The following SLC45A4 variants were observed in gnomAD, a reference collection of about 807,000 sequenced individuals.
SLC45A4 encodes the protein solute carrier family 45 member 4, also known as polyamine-transporter SLC45A4.
Under a neutral mutation model 63.7 loss-of-function variants are expected in SLC45A4, and 32 were observed. That is an observed-to-expected ratio of 0.50 (90% CI 0.38 to 0.67). SLC45A4 has a LOEUF of 0.67. Among genes scored for constraint, SLC45A4 ranks in the 30% least tolerant of loss-of-function variants. The pLI, the probability that SLC45A4 is intolerant of heterozygous loss-of-function variation, is 0.00. For synonymous variants in SLC45A4, 535 were observed against 510.0 expected (o/e 1.05, Z -0.66); for missense variants, 1,027 against 1,157.7 (o/e 0.89, Z 1.64).
At position 141,299,986 on chromosome 8, in the gene SLC45A4, C is replaced by T. The variant is rs141427266; in HGVS notation, c.-401+8110G>A. ...TGGTCCCGTTCTTCACTGTTTAAAC[C>T]GCAGGATTCCTAGAACACGACCGTG... On this transcript the variant is annotated intron_variant, in intron 1 of 8. Transcript: ENST00000517878. Among the ~76,000 whole-genome samples the T allele has an allele frequency of 6.4e-4, 97 of 152,228 alleles. 3 individuals are homozygous for T. Among genetic ancestry groups the T allele is most frequent in the Admixed American group, 6.0e-3 (91 of 15,290 alleles).
chr8:141,218,802 C>T lies in SLC45A4; in HGVS notation c.838G>A (p.Val280Ile), dbSNP rs777556052. The change falls in exon 5 of 9, where the codon GTC becomes ATC. Residue 280 changes from valine (V) to isoleucine (I), a missense_variant. By Grantham distance (29) the Val-to-Ile change is conservative. Transcript: ENST00000517878. ...TGTACCTCGTCTGGGAAGGCAGGGACGCCGTGCGGCTCGCCCCCATCCAGG... is the reference window on the plus strand; with the variant it reads ...TGTACCTCGTCTGGGAAGGCAGGGATGCCGTGCGGCTCGCCCCCATCCAGG... ...GALDGGEPHG[V>I]PAFPDEVQSE... 25 of 1,613,028 alleles carry T rather than the reference C, an allele frequency of 1.5e-5. No individual in the cohort carries two copies. In the East Asian group the frequency reaches 2.7e-4, roughly 17 times the overall value.
chr8:141,247,900 G>T (rs1264042972), intron 2 of SLC45A4, among the ~76,000 whole-genome samples: 1 of 152,210 alleles, frequency 6.6e-6, no homozygotes, highest in Non-Finnish European at 1.5e-5. Context: ...CAATGGGAAA[G>T]GACAGGCTTT....
chr8:141,215,773 G>C lies in SLC45A4; in HGVS notation c.1927C>G (p.His643Asp), dbSNP rs924060145. Residue 643 changes from histidine (H) to aspartate (D), a missense_variant, in exon 7 of 9, where the codon CAT (histidine) becomes GAT (aspartate). Coordinates refer to ENST00000517878, the MANE Select transcript of SLC45A4 (RefSeq NM_001286646.2). This position sits in a 1 kb window ranked among gnomAD's most constrained non-coding sequence, Gnocchi z 4.3. ...YCPYALLGQYHDIKQYIHHSP... is the reference protein window; with the variant it reads ...YCPYALLGQYDDIKQYIHHSP... ...GGTGGACGCACCTGCTTGATGTCAT[G>C]GTACTGGCCCAGCAGGGCGTACGGG... is the stretch of plus-strand genomic sequence containing the variant. 6.2e-7 allele frequency: 1 copy of C among 1,613,494 alleles called. No homozygotes were observed. Among genetic ancestry groups the C allele is most frequent in the Non-Finnish European group, 8.5e-7 (1 of 1,180,006 alleles).
At chr8:141,228,439 G>A in intron 2 of SLC45A4, 2 of 1,407,600 alleles carry the variant, frequency 1.4e-6, no homozygotes, top group Non-Finnish European at 9.3e-7. Flanking sequence ...TTCCGCAGCT[G>A]CTGTCCTGTC....
At chr8:141,289,027 A>T (rs1316180622) in intron 1 of SLC45A4, among the ~76,000 whole-genome samples, 1 of 152,200 alleles carries the variant, frequency 6.6e-6, no homozygotes, top group Non-Finnish European at 1.5e-5. Context: ...CCCAAGAGGG[A>T]GGCAGAGGCA....
At chr8:141,288,810 T>C (rs896877919) in intron 1 of SLC45A4, among the ~76,000 whole-genome samples, 1 of 152,180 alleles carries the variant, frequency 6.6e-6, no homozygotes, top group African/African-American at 2.4e-5. Context: ...TTGGGAAAGA[T>C]GACAGGAAGA....
rs760501578 is a variant in SLC45A4 at position 141,219,043 on chromosome 8, A to G, written c.611-14T>C. Reference sequence around the variant, plus strand: ...CTCCGCCGAGGCCTGCGTGGGAGGAAGCAGCAGCCGGTGAGCCGGTGGCAC... The same window carrying G: ...CTCCGCCGAGGCCTGCGTGGGAGGAGGCAGCAGCCGGTGAGCCGGTGGCAC... On this transcript the variant is annotated splice_polypyrimidine_tract_variant and intron_variant, in intron 4 of 8. Transcript: ENST00000517878. The G allele has an allele frequency of 6.2e-7, 1 of 1,600,036 alleles. No homozygotes were observed. The highest frequency in any genetic ancestry group is 1.1e-5 in the South Asian group (1 of 90,112).
intron 7 of SLC45A4, among the ~76,000 whole-genome samples, chr8:141,214,422 G>A (rs1033904614): frequency 1.3e-5 from 2 of 152,168 alleles, no homozygotes; most frequent in African/African-American, 4.8e-5. Flanking sequence ...ATCTCCAGAT[G>A]TGCTGAGGAT....
chr8:141,240,555 G>C (rs961405451), intron 2 of SLC45A4, among the ~76,000 whole-genome samples: 8 of 152,198 alleles, frequency 5.3e-5, no homozygotes, highest in African/African-American at 1.9e-4. Context: ...GAGCAGCCTG[G>C]TTCCACAACA....
At chr8:141,294,631 GCTCAACGTGGCAAC>G (rs1416130210) in intron 1 of SLC45A4, among the ~76,000 whole-genome samples, 1 of 152,252 alleles carries the variant, frequency 6.6e-6, no homozygotes, top group Non-Finnish European at 1.5e-5. Context: ...ACGGCTGTGA[GCTCAACGTGGCAAC>G]CCACGTCCCG....
In SLC45A4 at chr8:141,219,833, C is replaced by G. The variant is rs764048316; in HGVS notation, c.431-4G>C. Reference sequence around the variant, plus strand: ...GGGACATCGCCGAGGGCCAGACCTGCGCAGAGCACACGGGAGGGCGGTCAG... The same window carrying G: ...GGGACATCGCCGAGGGCCAGACCTGGGCAGAGCACACGGGAGGGCGGTCAG... On this transcript the variant is annotated splice_polypyrimidine_tract_variant and splice_region_variant and intron_variant, in intron 3 of 8. Coordinates refer to ENST00000517878, the MANE Select transcript of SLC45A4 (RefSeq NM_001286646.2). The G allele has an allele frequency of 1.9e-6, 3 of 1,572,016 alleles. No individual in the cohort carries two copies. Among genetic ancestry groups the G allele is most frequent in the Middle Eastern group, 3.5e-4 (2 of 5,722 alleles).
chr8:141,283,575 A>AG (rs1458814178), intron 1 of SLC45A4, among the ~76,000 whole-genome samples: 2 of 152,252 alleles, frequency 1.3e-5, no homozygotes, highest in African/African-American at 4.8e-5. Flanking sequence ...GGCTAGTCCC[A>AG]GGGGGCAGCA....
chr8:141,233,766 AG>A (rs1220384529), intron 2 of SLC45A4, among the ~76,000 whole-genome samples: 1 of 152,228 alleles, frequency 6.6e-6, no homozygotes, highest in Non-Finnish European at 1.5e-5. Context: ...CCAAGACGGC[AG>A]GCCCCTGGGA....
intron 1 of SLC45A4, among the ~76,000 whole-genome samples, chr8:141,284,993 C>T (rs957121186): frequency 1.5e-5 from 2 of 137,276 alleles, no homozygotes; most frequent in South Asian, 2.4e-4. Flanking sequence ...CCAGCAAGGC[C>T]GGCTTGACAG....
intron 1 of SLC45A4, among the ~76,000 whole-genome samples, chr8:141,273,345 G>A (rs1589839590): frequency 2.6e-5 from 4 of 152,184 alleles, no homozygotes; most frequent in Admixed American, 2.6e-4. Flanking sequence ...CCATGGAAAC[G>A]GTGGCATGCT....
chr8:141,275,443 C>T (rs959576775), intron 1 of SLC45A4, among the ~76,000 whole-genome samples: 1 of 152,080 alleles, frequency 6.6e-6, no homozygotes, highest in South Asian at 2.1e-4. Flanking sequence ...GAAAACAAAG[C>T]CACAGGAAGC....
At chr8:141,250,302 G>A (rs1164086849) in intron 2 of SLC45A4, among the ~76,000 whole-genome samples, 2 of 151,964 alleles carry the variant, frequency 1.3e-5, no homozygotes, top group Non-Finnish European at 2.9e-5. Flanking sequence ...TTCACTTTGA[G>A]TACAGTATTC....
intron 3 of SLC45A4, among the ~76,000 whole-genome samples, chr8:141,220,757 G>A (rs1742508698): frequency 6.6e-6 from 1 of 152,254 alleles, no homozygotes; most frequent in African/African-American, 2.4e-5. Context: ...CAAGCTGGCT[G>A]CCATCTGGGT....
intron 2 of SLC45A4, among the ~76,000 whole-genome samples, chr8:141,239,032 G>A (rs1827768410): frequency 6.6e-6 from 1 of 152,210 alleles, no homozygotes; most frequent in African/African-American, 2.4e-5. Context: ...GAAGCATGAT[G>A]GAGAAAATTA....
Sources: gnomAD v4.1 joint callset for allele counts (sites outside exome capture counted in the v4.1 genomes callset) on GRCh38, gnomAD v4.1.1 for gene constraint, Gnocchi (gnomAD v3.1) non-coding constraint, MANE v1.5 for transcripts, NCBI Gene and HGNC (gene_info 2026-07-23, HGNC 2026-07-21) for gene names.